Variants in ALMS1 observed in about 807,000 individuals in gnomAD.
ALMS1 encodes centrosome-associated protein ALMS1.
Under a neutral mutation model 352.2 loss-of-function variants are expected in ALMS1, and 271 were observed. The ratio of observed to expected loss-of-function variants is 0.77; its 90% CI spans 0.70 to 0.85. The LOEUF (loss-of-function observed/expected upper bound fraction) is 0.85. Ranked by LOEUF, ALMS1 falls within the 40% of genes least tolerant of loss-of-function variation. The pLI is 0.00. For synonymous variants in ALMS1, 1,865 were observed against 1,761.2 expected (o/e 1.06, Z -1.48); for missense variants, 5,445 against 4,870.7 (o/e 1.12, Z -3.51).
intron 22 of ALMS1, among the ~76,000 whole-genome samples, chr2:73,609,058 G>A (rs1441043057): frequency 6.6e-6 from 1 of 152,248 alleles, no homozygotes; most frequent in Non-Finnish European, 1.5e-5. Flanking sequence ...GTTGCTGCAA[G>A]TCCAAGAACC....
chr2:73,491,246 A>C lies in ALMS1; in HGVS notation c.9287A>C (p.Glu3096Ala), dbSNP rs1672979191. The C allele has an allele frequency of 6.2e-7, 1 of 1,614,022 alleles. No individual in the cohort carries two copies. Residue 3096 changes from glutamate (E) to alanine (A), a missense_variant, in exon 10 of 23, where the codon GAA becomes GCA. Glu to Ala is a moderately radical substitution (Grantham distance 107). Coordinates refer to ENST00000613296, the MANE Select transcript of ALMS1 (RefSeq NM_001378454.1). ...CATACTGTATCTTCGAGATCACTGGAACCAACCTCCAAATTATTGACCAGT... is the reference window on the plus strand; with the variant it reads ...CATACTGTATCTTCGAGATCACTGGCACCAACCTCCAAATTATTGACCAGT... ...DLHTVSSRSLEPTSKLLTSKP... is the reference protein window; with the variant it reads ...DLHTVSSRSLAPTSKLLTSKP...
chr2:73,572,831 G>A lies in ALMS1; in HGVS notation c.10954G>A (p.Asp3652Asn). Residue 3652 changes from aspartate to asparagine, a missense_variant, in exon 16 of 23, where the codon GAT becomes AAT. Physicochemically the swap from Asp to Asn is conservative, Grantham distance 23 (BLOSUM62 1). Coordinates refer to ENST00000613296, the MANE Select transcript of ALMS1 (RefSeq NM_001378454.1). ...TCTCCAGGTCTCAGAAAGTACACAT[G>A]ATGATAGCAGAGGGGAACGAAGTGT... ...HSLQVSESTHDDSRGERSVKE... is the reference protein window; with the variant it reads ...HSLQVSESTHNDSRGERSVKE... 6.2e-7 allele frequency: 1 copy of A among 1,614,090 alleles called. No homozygotes were observed. Among genetic ancestry groups the A allele is most frequent in the Non-Finnish European group, 8.5e-7 (1 of 1,180,006 alleles).
chr2:73,389,114 CT>C (rs1670593214), intron 1 of ALMS1, among the ~76,000 whole-genome samples: 1 of 152,106 alleles, frequency 6.6e-6, no homozygotes, highest in African/African-American at 2.4e-5. Context: ...TGTTTTTTGA[CT>C]TTTTAATAAT....
chr2:73,472,368 TTAGAG>T (rs1330459751), intron 9 of ALMS1, among the ~76,000 whole-genome samples: 4 of 152,056 alleles, frequency 2.6e-5, no homozygotes, highest in Non-Finnish European at 5.9e-5. Flanking sequence ...AAATATTTCT[TTAGAG>T]TAGAATATTT....
chr2:73,504,888 AC>A (rs1158333372), intron 10 of ALMS1, among the ~76,000 whole-genome samples: 1 of 151,798 alleles, frequency 6.6e-6, no homozygotes, highest in African/African-American at 2.4e-5. Flanking sequence ...CTTGCTTCCT[AC>A]CCCACAACAG....
Position 73,386,018 on chromosome 2 carries a change from G to C in ALMS1, c.150G>C (p.Ala50=), listed in dbSNP as rs757262099. The C allele has an allele frequency of 6.4e-7, 1 of 1,554,276 alleles. No individual in the cohort carries two copies. ...TCGTGGAGGAGGTGGAGGAAGAGGC[G>C]GGGCGGGAGTTGGACTCCGACTCTC... The part of the protein sequence containing the change: ...VVVVEEVEEE[A]GRELDSDSHY... Residue 50 remains alanine (A), a synonymous_variant, in exon 1 of 23, where the codon GCG becomes GCC. Transcript: ENST00000613296.
At chr2:73,608,325 T>C (rs1324539270) in intron 21 of ALMS1, 150 bp from the exon 22 acceptor site, 2 of 668,490 alleles carry the variant, frequency 3.0e-6, no homozygotes, top group Non-Finnish European at 2.7e-6. Flanking sequence ...TTTTCTGTGC[T>C]GGAGTATCTA....
chr2:73,575,184 G>A (rs1053007129), intron 16 of ALMS1, among the ~76,000 whole-genome samples: 2 of 152,062 alleles, frequency 1.3e-5, no homozygotes, highest in African/African-American at 4.8e-5. Context: ...GATTTGGGTT[G>A]TTTCCACTTT....
chr2:73,507,955 C>T (rs1673366710), intron 10 of ALMS1, among the ~76,000 whole-genome samples: 1 of 151,978 alleles, frequency 6.6e-6, no homozygotes, highest in South Asian at 2.1e-4. Context: ...TAAATGTGTC[C>T]CAGAGATTCT....
intron 2 of ALMS1, among the ~76,000 whole-genome samples, chr2:73,412,441 A>G (rs1207588792): frequency 6.6e-6 from 1 of 152,210 alleles, no homozygotes; most frequent in Non-Finnish European, 1.5e-5. Flanking sequence ...ACTGAGTAGT[A>G]TTCCATTTGT....
At chr2:73,497,375 GA>G (rs1255849331) in intron 10 of ALMS1, among the ~76,000 whole-genome samples, 8 of 152,074 alleles carry the variant, frequency 5.3e-5, no homozygotes, top group African/African-American at 1.9e-4. Flanking sequence ...GGTGATTTCT[GA>G]GATTTTAGTG....
At chr2:73,476,793 CTT>C (rs1402136286) in intron 9 of ALMS1, among the ~76,000 whole-genome samples, 1 of 151,826 alleles carries the variant, frequency 6.6e-6, no homozygotes, top group Non-Finnish European at 1.5e-5. Context: ...TGTAAGTGTC[CTT>C]TATATGTTCT....
chr2:73,534,993 A>G (rs765404451), intron 12 of ALMS1, 44 bp downstream of exon 12: 2 of 1,610,002 alleles, frequency 1.2e-6, no homozygotes, highest in South Asian at 1.1e-5. Context: ...TTGATATTTT[A>G]TTTGTGTATT....
chr2:73,497,228 C>T (rs1472148545), intron 10 of ALMS1, among the ~76,000 whole-genome samples: 1 of 151,918 alleles, frequency 6.6e-6, no homozygotes, highest in South Asian at 2.1e-4. Flanking sequence ...TTATTTTTCT[C>T]TGATTATTTT....
intron 6 of ALMS1, among the ~76,000 whole-genome samples, chr2:73,428,719 GT>G: frequency 6.6e-6 from 1 of 152,130 alleles, no homozygotes; most frequent in East Asian, 1.9e-4. Context: ...TTGTCTTTCA[GT>G]TGTAGCTCTA....
At chr2:73,444,219 G>A (rs1017471607) in intron 7 of ALMS1, among the ~76,000 whole-genome samples, 1 of 152,126 alleles carries the variant, frequency 6.6e-6, no homozygotes, top group African/African-American at 2.4e-5. Context: ...TAAAGATGAG[G>A]AGCCTGGAAG....
chr2:73,560,915 A>G (rs984845419), intron 15 of ALMS1, among the ~76,000 whole-genome samples: 1 of 152,214 alleles, frequency 6.6e-6, no homozygotes, highest in African/African-American at 2.4e-5. Flanking sequence ...TATTGAGTGC[A>G]CTCAGGCCCA....
At chr2:73,562,014 GA>G (rs1037507894) in intron 15 of ALMS1, among the ~76,000 whole-genome samples, 97 of 151,398 alleles carry the variant, frequency 6.4e-4, no homozygotes, top group African/African-American at 2.2e-3. Context: ...AGAAAGAGAT[GA>G]AAGCAATTAA....
intron 12 of ALMS1, among the ~76,000 whole-genome samples, chr2:73,539,091 G>C (rs1015820603): frequency 2.6e-5 from 4 of 152,212 alleles, no homozygotes; most frequent in Non-Finnish European, 5.9e-5. Flanking sequence ...ACCTCCTCAA[G>C]TGGGACCCTG....
Sources: allele counts gnomAD v4.1 joint callset (sites outside exome capture counted in the v4.1 genomes callset), GRCh38; gene constraint gnomAD v4.1.1; transcripts MANE v1.5; gene names NCBI Gene and HGNC (gene_info 2026-07-23, HGNC 2026-07-21).